MUC3A: variants seen among roughly 807,000 people sequenced by gnomAD.
The protein encoded by MUC3A is mucin 3A, cell surface associated.
MUC3A carries 109 observed loss-of-function variants against 109.0 expected under a neutral mutation model. The observed-to-expected ratio is 1.00, with a 90% CI of 0.86 to 1.17. The LOEUF (loss-of-function observed/expected upper bound fraction) is 1.17, where lower values mean the gene tolerates loss of function less well. Among genes scored for constraint, MUC3A ranks in the 50% most tolerant of loss-of-function variants. The pLI, the probability that MUC3A is intolerant of heterozygous loss-of-function variation, is 0.00. For missense variants in MUC3A, 3,537 were observed against 2,469.4 expected (o/e 1.43, Z -9.16); for synonymous variants, 1,398 against 981.4 (o/e 1.42, Z -7.93).
Position 100,967,348 on chromosome 7 carries a change from C to A in MUC3A, c.*186C>A. On this transcript the variant is annotated 3_prime_UTR_variant, in exon 12 of 12. Transcript: ENST00000379458. ...AACTTGGCTGAAACCCACCTGGAGA[C>A]GCAGTTCACGTCCAGGCTCTTCCAC... 1 of 892,096 alleles carries A rather than the reference C, an allele frequency of 1.1e-6. No individual in the cohort carries two copies. The highest frequency in any genetic ancestry group is 1.7e-6 in the Non-Finnish European group (1 of 591,826). The allele number at this position is 892,096 out of a possible 1,614,324, so 55.3% of individuals were successfully genotyped here. A position where few individuals can be genotyped will look rare whatever the true frequency, so the allele number is the denominator to read the frequency against.
rs990127880 is a variant in MUC3A, at chr7:100,957,946, C to T, written c.6167C>T (p.Thr2056Ile). 8 of 776,598 alleles carry T rather than the reference C, an allele frequency of 1.0e-5. No individual in the cohort carries two copies. The highest frequency in any genetic ancestry group is 2.4e-5 in the East Asian group (1 of 41,056). The allele number at this position is 776,598 out of a possible 1,614,324, so 48.1% of individuals were successfully genotyped here. ...SITTETTSHS[T>I]PSFTSLITIT... is the part of the protein sequence containing the mutation. The stretch of plus-strand genomic sequence containing the variant: ...ACCACCGAGACCACATCCCACAGTA[C>T]TCCCAGCTTCACTTCATTGATCACC... Residue 2056 changes from threonine (T) to isoleucine (I), a missense_variant, in exon 2 of 12, where the codon ACT becomes ATT. Coordinates refer to ENST00000379458, the MANE Select transcript of MUC3A (RefSeq NM_005960.2).
Position 100,959,836 on chromosome 7 carries a change from C to G in MUC3A, c.8057C>G (p.Pro2686Arg). 3 of 1,576,528 alleles carry G rather than the reference C, an allele frequency of 1.9e-6. No individual in the cohort carries two copies. Among genetic ancestry groups the G allele is most frequent in the Non-Finnish European group, 2.6e-6 (3 of 1,169,048 alleles). The change falls in exon 2 of 12, where the codon CCC (proline) becomes CGC (arginine). Residue 2686 changes from proline to arginine, a missense_variant. Coordinates refer to ENST00000379458, the MANE Select transcript of MUC3A (RefSeq NM_005960.2). ...AGTACCATCATCTGGTCCTCAACAC[C>G]CACTATTATCATGTCCTCTTCTCCA... Reference protein sequence around the residue: ...SFSTIIWSSTPTIIMSSSPSS... With the variant: ...SFSTIIWSSTRTIIMSSSPSS...
Position 100,958,612 on chromosome 7 carries a change from C to A in MUC3A, c.6833C>A (p.Thr2278Asn), listed in dbSNP as rs929087328. 8.9e-4 allele frequency: 695 copies of A among 784,506 alleles called. 7 individuals are homozygous for A. The African/African-American group carries it at 0.029, about 33-fold the overall frequency. 48.6% of individuals were successfully genotyped at this position (784,506 alleles called of 1,614,324 possible). A position where few individuals can be genotyped will look rare whatever the true frequency, so the allele number is the denominator to read the frequency against. Reference protein sequence around the residue: ...HDTPSFTSSITTSETPSHSTP... With the variant: ...HDTPSFTSSINTSETPSHSTP... ...ACTCCCAGCTTCACTTCTTCAATCA[C>A]CACCAGTGAGACCCCCTCACACAGT... is the stretch of plus-strand genomic sequence containing the variant. The change falls in exon 2 of 12, where the codon ACC becomes AAC. Residue 2278 changes from threonine (T) to asparagine (N), a missense_variant. Physicochemically the swap from Thr to Asn is moderately conservative, Grantham distance 65 (BLOSUM62 0). Transcript: ENST00000379458.
At chr7:100,963,621 G>T (rs1442146389) in intron 4 of MUC3A, 67 bp from the exon 5 acceptor site, 1 of 1,596,974 alleles carries the variant, frequency 6.3e-7, no homozygotes, top group Non-Finnish European at 8.5e-7. Context: ...TGGAGCTGGG[G>T]TTGGGCGTCT....
intron 6 of MUC3A, 89 bp from the exon 7 acceptor site, chr7:100,965,193 C>G (rs1460736622): frequency 6.4e-7 from 1 of 1,551,134 alleles, no homozygotes; most frequent in Non-Finnish European, 8.7e-7. Context: ...ACTGCCCTCC[C>G]TGTGCCTATC....
intron 2 of MUC3A, 32 bp from the exon 3 acceptor site, chr7:100,960,720 C>T (rs776734489): frequency 6.3e-7 from 1 of 1,595,464 alleles, no homozygotes; most frequent in Admixed American, 1.7e-5. Flanking sequence ...CAGGCTTTAT[C>T]CTGAGCTTCC....
chr7:100,964,516 C>G (rs1008104760), intron 5 of MUC3A, 179 bp from the exon 6 acceptor site: 5 of 1,028,214 alleles, frequency 4.9e-6, no homozygotes, highest in Non-Finnish European at 6.8e-6. Context: ...CCTGCCTTCC[C>G]AGGCAGACCA....
At position 100,967,586 on chromosome 7, in the gene MUC3A, C is replaced by T. The variant is rs933174441; in HGVS notation, c.*424C>T. On this transcript the variant is annotated 3_prime_UTR_variant, in exon 12 of 12. Coordinates refer to ENST00000379458, the MANE Select transcript of MUC3A (RefSeq NM_005960.2). ...CACGTCCTTCACCTGGTCTCTGGCC[C>T]TGGTTCTTATTTTCTCTCAATTCCC... 48 of 369,918 alleles carry T rather than the reference C, an allele frequency of 1.3e-4. No individual in the cohort carries two copies. The highest frequency in any genetic ancestry group is 7.2e-4 in the Middle Eastern group (1 of 1,392). The allele number at this position is 369,918 out of a possible 1,614,324, so 22.9% of individuals were successfully genotyped here. A position where few individuals can be genotyped will look rare whatever the true frequency, so the allele number is the denominator to read the frequency against.
intron 3 of MUC3A, among the ~76,000 whole-genome samples, chr7:100,961,897 G>A (rs1045920119): frequency 3.3e-5 from 5 of 152,282 alleles, no homozygotes; most frequent in Non-Finnish European, 5.9e-5. Flanking sequence ...CGCTTGAGGC[G>A]AGGAGTTCAG....
rs1792630346 is a variant in MUC3A at position 100,967,284 on chromosome 7, A to G, written c.*122A>G. 1 of 1,455,092 alleles carries G rather than the reference A, an allele frequency of 6.9e-7. No individual in the cohort carries two copies. The highest frequency in any genetic ancestry group is 9.3e-7 in the Non-Finnish European group (1 of 1,075,790). 90.1% of individuals were successfully genotyped at this position (1,455,092 alleles called of 1,614,324 possible). On this transcript the variant is annotated 3_prime_UTR_variant, in exon 12 of 12. Coordinates refer to ENST00000379458, the MANE Select transcript of MUC3A (RefSeq NM_005960.2). The stretch of plus-strand genomic sequence containing the variant: ...CCCAGGCTCCTGCTGTTCTTGGGCA[A>G]GATGAGACTGTTCCCCCAAATCCCA...
intron 4 of MUC3A, 37 bp downstream of exon 4, chr7:100,963,303 T>TTTTTTTTTTTTTTTGA (rs1554459579): frequency 1.1e-5 from 16 of 1,393,056 alleles, no homozygotes; most frequent in Non-Finnish European, 1.5e-5. Flanking sequence ...TTTTTTTTTT[T>TTTTTTTTTTTTTTTGA]GAGGTGTAGT....
Position 100,959,344 on chromosome 7 carries a change from G to GC in MUC3A, c.7565_7566insC (p.Thr2523AsnfsTer37). 1 of 1,512,280 alleles carries GC rather than the reference G, an allele frequency of 6.6e-7. No homozygotes were observed. The highest frequency in any genetic ancestry group is 8.9e-7 in the Non-Finnish European group (1 of 1,127,694). 93.7% of individuals were successfully genotyped at this position (1,512,280 alleles called of 1,614,324 possible). A position where few individuals can be genotyped will look rare whatever the true frequency, so the allele number is the denominator to read the frequency against. ...ACTGATATCAGTACCTTACCAACTC[G>GC]AACACACATCATTTCATCTTCTCCC... On this transcript the variant is annotated frameshift_variant, in exon 2 of 12. Transcript: ENST00000379458. LOFTEE classifies it high-confidence loss of function.
chr7:100,959,373 A>C lies in MUC3A; in HGVS notation c.7594A>C (p.Ile2532Leu), dbSNP rs28515787. ...ACACATCATTTCATCTTCTCCCTCC[A>C]TCCAAAGTACAGAAACCTCATCCCT... ...RTHIISSSPSIQSTETSSLVG... is the reference protein window; with the variant it reads ...RTHIISSSPSLQSTETSSLVG... Residue 2532 changes from isoleucine to leucine, a missense_variant, in exon 2 of 12, where the codon ATC becomes CTC. Coordinates refer to ENST00000379458, the MANE Select transcript of MUC3A (RefSeq NM_005960.2). The C allele has an allele frequency of 0.098, 149,390 of 1,530,286 alleles. 143 individuals are homozygous for C. Among genetic ancestry groups the C allele is most frequent in the Admixed American group, 0.29 (14,590 of 50,218 alleles). The allele number at this position is 1,530,286 out of a possible 1,614,324, so 94.8% of individuals were successfully genotyped here. A position where few individuals can be genotyped will look rare whatever the true frequency, so the allele number is the denominator to read the frequency against.
intron 10 of MUC3A, 32 bp from the exon 11 acceptor site, chr7:100,966,867 C>T (rs1469778695): frequency 1.3e-6 from 2 of 1,598,384 alleles, no homozygotes; most frequent in Non-Finnish European, 1.7e-6. Context: ...CTCCCTCTCC[C>T]CTTCTCTTTC....
At position 100,963,770 on chromosome 7, in the gene MUC3A, G is replaced by T; in HGVS notation, c.9233+18G>T. On this transcript the variant is annotated intron_variant, in intron 5 of 11. Coordinates refer to ENST00000379458, the MANE Select transcript of MUC3A (RefSeq NM_005960.2). ...TCCCTGAGGTAGGAGACCCATCTGG[G>T]GATGCGGAGGCGGTGTTGGGTGGGG... 1 of 1,598,556 alleles carries T rather than the reference G, an allele frequency of 6.3e-7. No homozygotes were observed. Among genetic ancestry groups the T allele is most frequent in the South Asian group, 1.1e-5 (1 of 91,090 alleles).
intron 7 of MUC3A, 112 bp from the exon 8 acceptor site, chr7:100,965,592 C>T: frequency 6.6e-7 from 1 of 1,512,226 alleles, no homozygotes; most frequent in Non-Finnish European, 8.8e-7. Flanking sequence ...CCCACAGCAT[C>T]CCACCTCGGA....
intron 3 of MUC3A, among the ~76,000 whole-genome samples, chr7:100,962,265 A>C (rs1490151852): frequency 1.4e-5 from 2 of 146,286 alleles, no homozygotes; most frequent in Admixed American, 6.8e-5. Context: ...AAAAAAAAAA[A>C]AACTTACCTG....
chr7:100,967,044 G>A, intron 11 of MUC3A, 77 bp from the exon 12 acceptor site: 2 of 1,598,460 alleles, frequency 1.3e-6, no homozygotes, highest in Non-Finnish European at 1.7e-6. Flanking sequence ...AGGGGGCTGG[G>A]CTCGGATCAG....
At chr7:100,966,000 G>A in intron 8 of MUC3A, 134 bp downstream of exon 8, 2 of 1,378,946 alleles carry the variant, frequency 1.5e-6, no homozygotes, top group Non-Finnish European at 1.9e-6. Flanking sequence ...GCCGCTCCAA[G>A]CCCATCCCCG....
Sources: allele counts gnomAD v4.1 joint callset (sites outside exome capture counted in the v4.1 genomes callset), GRCh38; gene constraint gnomAD v4.1.1; transcripts MANE v1.5; gene names NCBI Gene and HGNC (gene_info 2026-07-23, HGNC 2026-07-21).